Variants in SLC9A8 observed in about 807,000 individuals in gnomAD.
SLC9A8 encodes the protein sodium/hydrogen exchanger 8.
SLC9A8 carries 48 observed loss-of-function variants against 66.6 expected under a neutral mutation model. The observed-to-expected ratio is 0.72, with a 90% confidence interval of 0.57 to 0.92. The LOEUF (loss-of-function observed/expected upper bound fraction) is 0.92, where lower values mean the gene tolerates loss of function less well. Ranked by LOEUF, SLC9A8 falls within the 40% of genes least tolerant of loss-of-function variation. The pLI is 0.00. For synonymous variants in SLC9A8, 274 were observed against 282.6 expected, an observed-to-expected ratio of 0.97 and a Z score of 0.31; for missense variants, 599 against 747.3, an observed-to-expected ratio of 0.80 and a Z score of 2.31.
chr20:49,827,114 G>T (rs961442928), intron 3 of SLC9A8, among the ~76,000 whole-genome samples: 1 of 151,232 alleles, frequency 6.6e-6, no homozygotes, highest in Non-Finnish European at 1.5e-5. Flanking sequence ...GCTAATTTTT[G>T]TATTTTTAGT....
chr20:49,819,668 C>G (rs777957334), intron 2 of SLC9A8, among the ~76,000 whole-genome samples: 5 of 152,104 alleles, frequency 3.3e-5, no homozygotes, highest in Admixed American at 1.3e-4. Flanking sequence ...TTTCATCACC[C>G]CAAAAGAAAA....
intron 14 of SLC9A8, chr20:49,884,269 C>A (rs1283111159): frequency 3.2e-6 from 1 of 313,084 alleles, no homozygotes; most frequent in African/African-American, 4.9e-5. Flanking sequence ...GACACACACA[C>A]ACACGACACA....
chr20:49,826,752 A>G (rs2086925955), intron 3 of SLC9A8, among the ~76,000 whole-genome samples: 1 of 152,232 alleles, frequency 6.6e-6, no homozygotes. Flanking sequence ...TTTCTTTTGC[A>G]CAGTTAAACA....
At chr20:49,828,512 T>C (rs573977007) in intron 3 of SLC9A8, among the ~76,000 whole-genome samples, 2 of 146,698 alleles carry the variant, frequency 1.4e-5, no homozygotes, top group African/African-American at 5.0e-5. Context: ...CGTGAGCCAC[T>C]GTGCCTGGCC....
chr20:49,876,145 CACATGA>C (rs1463339584), intron 11 of SLC9A8, among the ~76,000 whole-genome samples: 5 of 152,150 alleles, frequency 3.3e-5, no homozygotes, highest in Admixed American at 3.3e-4. Flanking sequence ...GAGGAGTAGT[CACATGA>C]CTTGCCCATG....
At chr20:49,822,675 T>A (rs2086783447) in intron 2 of SLC9A8, among the ~76,000 whole-genome samples, 1 of 152,124 alleles carries the variant, frequency 6.6e-6, no homozygotes, top group Non-Finnish European at 1.5e-5. Context: ...TAGTCCCAGC[T>A]ACTTGGGAGG....
chr20:49,828,771 G>A (rs984329053), intron 3 of SLC9A8, among the ~76,000 whole-genome samples: 1 of 151,620 alleles, frequency 6.6e-6, no homozygotes, highest in African/African-American at 2.4e-5. Flanking sequence ...TCCGGTAGAC[G>A]GAGGTTGCAG....
intron 11 of SLC9A8, among the ~76,000 whole-genome samples, chr20:49,876,997 A>G (rs959175522): frequency 2.0e-5 from 3 of 152,066 alleles, no homozygotes; most frequent in African/African-American, 7.2e-5. Flanking sequence ...ATTTTAAAAT[A>G]CAGTTTTAGG....
intron 3 of SLC9A8, among the ~76,000 whole-genome samples, chr20:49,836,101 C>CAA (rs2087524857): frequency 6.6e-6 from 1 of 152,172 alleles, no homozygotes; most frequent in African/African-American, 2.4e-5. Context: ...CTCCCTGTCC[C>CAA]TGGGCAACCA....
At chr20:49,847,276 CTG>C (rs2088036804) in intron 5 of SLC9A8, among the ~76,000 whole-genome samples, 1 of 151,870 alleles carries the variant, frequency 6.6e-6, no homozygotes, top group South Asian at 2.1e-4. Flanking sequence ...CAAATCTTAA[CTG>C]TAAGCAGATA....
chr20:49,865,252 T>C (rs2088912098), intron 10 of SLC9A8, among the ~76,000 whole-genome samples: 1 of 152,204 alleles, frequency 6.6e-6, no homozygotes, highest in Non-Finnish European at 1.5e-5. Context: ...TTCAAACTAG[T>C]TGTCTTGGAG....
At position 49,886,891 on chromosome 20, in the gene SLC9A8, C is replaced by T. The variant is rs373339194; in HGVS notation, c.1631C>T (p.Thr544Met). 20 of 1,613,722 alleles carry T rather than the reference C, an allele frequency of 1.2e-5. No individual in the cohort carries two copies. The highest frequency in any genetic ancestry group is 1.5e-5 in the Non-Finnish European group (18 of 1,179,760). ...YLNPFFTRRL[T>M]QEDLHHGRIQ... ...AACCCCTTCTTCACTCGGAGGCTGA[C>T]GCAGGAGGTGGGATACCGGCCAGGC... is the stretch of plus-strand genomic sequence containing the variant. Residue 544 changes from threonine to methionine, a missense_variant, in exon 15 of 16, where the codon ACG becomes ATG. Coordinates refer to ENST00000361573, the MANE Select transcript of SLC9A8 (RefSeq NM_015266.3). The surrounding 1 kb of genome is among the most constrained non-coding windows in gnomAD (Gnocchi z 4.8).
At chr20:49,828,132 G>A (rs1226818129) in intron 3 of SLC9A8, among the ~76,000 whole-genome samples, 1 of 143,504 alleles carries the variant, frequency 7.0e-6, no homozygotes, top group Non-Finnish European at 1.5e-5. Flanking sequence ...CCAGGCTGGA[G>A]TGCAATGGCA....
intron 4 of SLC9A8, among the ~76,000 whole-genome samples, chr20:49,842,314 C>T (rs1202387285): frequency 6.6e-6 from 1 of 152,078 alleles, no homozygotes; most frequent in Non-Finnish European, 1.5e-5. Flanking sequence ...ATGATCCATC[C>T]ACCTTGGCCT....
chr20:49,884,096 C>T, intron 14 of SLC9A8, 30 bp downstream of exon 14: 2 of 1,595,858 alleles, frequency 1.3e-6, no homozygotes, highest in Non-Finnish European at 8.6e-7. Context: ...GGGGGTGGGG[C>T]AGGGGGCTGG....
At chr20:49,885,966 G>T (rs778096655) in intron 14 of SLC9A8, among the ~76,000 whole-genome samples, 3 of 152,236 alleles carry the variant, frequency 2.0e-5, no homozygotes, top group Non-Finnish European at 4.4e-5. Flanking sequence ...GCAGGTGGCT[G>T]CGGTGGGCTC....
At chr20:49,830,236 G>T in intron 3 of SLC9A8, 3 of 919,184 alleles carry the variant, frequency 3.3e-6, no homozygotes, top group Non-Finnish European at 5.5e-6. Context: ...AAAAAGATGG[G>T]ATTTGGGGGC....
intron 8 of SLC9A8, among the ~76,000 whole-genome samples, chr20:49,857,387 C>T (rs2088539896): frequency 6.6e-6 from 1 of 152,336 alleles, no homozygotes; most frequent in African/African-American, 2.4e-5. Context: ...TAAAATGCCT[C>T]AGCCTAGGAC....
intron 14 of SLC9A8, among the ~76,000 whole-genome samples, chr20:49,885,151 A>G (rs1440547451): frequency 6.6e-6 from 1 of 152,052 alleles, no homozygotes; most frequent in Admixed American, 6.5e-5. Flanking sequence ...AACTTCCACC[A>G]CACTAAGAGG....
Sources: allele counts gnomAD v4.1 joint callset (sites outside exome capture counted in the v4.1 genomes callset), GRCh38; gene constraint gnomAD v4.1.1; non-coding constraint Gnocchi (gnomAD v3.1); transcripts MANE v1.5; gene names NCBI Gene and HGNC (gene_info 2026-07-23, HGNC 2026-07-21).